Variants in PLA2G4A observed in about 807,000 individuals in gnomAD.
PLA2G4A encodes the protein cytosolic phospholipase A2.
In PLA2G4A, 40 loss-of-function variants were observed where a neutral mutation model predicts 81.9. The ratio of observed to expected loss-of-function variants is 0.49; its 90% CI spans 0.38 to 0.64. The LOEUF (loss-of-function observed/expected upper bound fraction) is 0.64. PLA2G4A is among the 30% of genes least tolerant of loss of function. The probability of loss-of-function intolerance (pLI) is 0.00; values close to 1 mark genes in which losing one functional copy is unlikely to be tolerated. For synonymous variants in PLA2G4A, 302 were observed against 296.9 expected, an observed-to-expected ratio of 1.02 and a Z score of -0.18; for missense variants, 715 against 905.1, an observed-to-expected ratio of 0.79 and a Z score of 2.69.
chr1:186,844,820 T>A (rs1327508984), intron 1 of PLA2G4A, among the ~76,000 whole-genome samples: 2 of 152,220 alleles, frequency 1.3e-5, no homozygotes, highest in African/African-American at 4.8e-5. Flanking sequence ...GAAAATGTAC[T>A]TGGTGTTTAT....
intron 13 of PLA2G4A, among the ~76,000 whole-genome samples, chr1:186,954,406 C>T (rs1485538912): frequency 1.3e-5 from 2 of 151,784 alleles, no homozygotes; most frequent in Admixed American, 6.6e-5. Context: ...ACTTGGACAC[C>T]GGGTGGGGAA....
At chr1:186,833,900 C>T (rs868190821) in intron 1 of PLA2G4A, among the ~76,000 whole-genome samples, 1 of 152,256 alleles carries the variant, frequency 6.6e-6, no homozygotes, top group Non-Finnish European at 1.5e-5. Context: ...AGAGTTTAGC[C>T]ATCACTCTCC....
chr1:186,882,698 G>T (rs1425188513), intron 3 of PLA2G4A, among the ~76,000 whole-genome samples: 1 of 152,028 alleles, frequency 6.6e-6, no homozygotes, highest in East Asian at 1.9e-4. Context: ...GTTTCAGAAG[G>T]ATAGTTGTGG....
chr1:186,892,543 G>A (rs1654183235), intron 3 of PLA2G4A, among the ~76,000 whole-genome samples: 1 of 152,154 alleles, frequency 6.6e-6, no homozygotes, highest in Non-Finnish European at 1.5e-5. Context: ...ACCATTTATT[G>A]AAGAGACTGT....
intron 3 of PLA2G4A, among the ~76,000 whole-genome samples, chr1:186,886,473 A>G (rs998005711): frequency 1.3e-5 from 2 of 152,154 alleles, no homozygotes; most frequent in African/African-American, 4.8e-5. Flanking sequence ...CTGCTCTAAG[A>G]TCTCTGTGTG....
chr1:186,899,158 G>T (rs1045188440), intron 5 of PLA2G4A, among the ~76,000 whole-genome samples: 1 of 152,140 alleles, frequency 6.6e-6, no homozygotes, highest in African/African-American at 2.4e-5. Context: ...TGTGTAAAGG[G>T]GTCACAAAGG....
chr1:186,922,222 C>T (rs1436266462), intron 7 of PLA2G4A, among the ~76,000 whole-genome samples: 2 of 152,096 alleles, frequency 1.3e-5, no homozygotes, highest in African/African-American at 4.8e-5. Context: ...CAGTTTACAC[C>T]AAACCAGAAT....
chr1:186,842,473 G>C (rs1336921469), intron 1 of PLA2G4A, among the ~76,000 whole-genome samples: 1 of 152,102 alleles, frequency 6.6e-6, no homozygotes, highest in Non-Finnish European at 1.5e-5. Context: ...ATTAAAACCT[G>C]TTACGGGCTG....
intron 3 of PLA2G4A, among the ~76,000 whole-genome samples, chr1:186,889,032 T>A (rs1248433094): frequency 1.3e-5 from 2 of 152,226 alleles, no homozygotes; most frequent in African/African-American, 4.8e-5. Flanking sequence ...TTTGCAATCC[T>A]GAGCACTGGT....
At chr1:186,873,132 A>G (rs1176981649) in intron 3 of PLA2G4A, among the ~76,000 whole-genome samples, 1 of 152,086 alleles carries the variant, frequency 6.6e-6, no homozygotes, top group East Asian at 1.9e-4. Context: ...AAATATAGTG[A>G]TAAAGTTACT....
intron 17 of PLA2G4A, 48 bp from the exon 18 acceptor site, chr1:186,988,329 A>G (rs774333289): frequency 1.4e-6 from 2 of 1,459,196 alleles, no homozygotes; most frequent in Non-Finnish European, 1.9e-6. Flanking sequence ...AAATATATAA[A>G]TGAGTTCATA....
At chr1:186,908,869 T>C (rs1335893657) in intron 6 of PLA2G4A, among the ~76,000 whole-genome samples, 1 of 151,692 alleles carries the variant, frequency 6.6e-6, no homozygotes, top group Non-Finnish European at 1.5e-5. Flanking sequence ...GAAGATTAAA[T>C]TTAAGTAGTG....
intron 8 of PLA2G4A, among the ~76,000 whole-genome samples, chr1:186,937,253 AAGAGAGAGAGAGAG>A (rs58594192): frequency 2.1e-3 from 321 of 149,348 alleles, no homozygotes; most frequent in African/African-American, 7.6e-3. Flanking sequence ...GAGACGGGAA[AAGAGAGAGAGAGAG>A]AGAGAGAGAG....
intron 2 of PLA2G4A, among the ~76,000 whole-genome samples, chr1:186,869,262 T>G (rs902257185): frequency 6.6e-6 from 1 of 152,160 alleles, no homozygotes; most frequent in Non-Finnish European, 1.5e-5. Flanking sequence ...TTCTTATGAT[T>G]GATCATTTAT....
intron 14 of PLA2G4A, among the ~76,000 whole-genome samples, chr1:186,959,334 A>G (rs879760935): frequency 4.8e-5 from 4 of 83,312 alleles, no homozygotes; most frequent in Non-Finnish European, 9.3e-5. Context: ...TTTTCATAAA[A>G]TAACATAAGG....
chr1:186,913,031 T>C (rs774665151), intron 7 of PLA2G4A, among the ~76,000 whole-genome samples: 1 of 150,690 alleles, frequency 6.6e-6, no homozygotes, highest in Non-Finnish European at 1.5e-5. Context: ...TTAATGATAA[T>C]GGAATTAATA....
At chr1:186,938,661 C>G (rs574492256) in intron 8 of PLA2G4A, among the ~76,000 whole-genome samples, 1 of 152,156 alleles carries the variant, frequency 6.6e-6, no homozygotes, top group Admixed American at 6.5e-5. Context: ...AATTCATTTA[C>G]ATGACTCAGA....
In PLA2G4A at chr1:186,928,655, T is replaced by C. The variant is rs201466003; in HGVS notation, c.559-4108T>C. Among the ~76,000 whole-genome samples, 9 of 152,312 alleles carry C rather than the reference T, an allele frequency of 5.9e-5. No homozygotes were observed. The East Asian group carries it at 1.5e-3, about 26-fold the overall frequency. ...TGTTTCTTTGAAAAACCCTGACTAA[T>C]ATGGGGGGCCAAGGAGAGAAATGTT... On this transcript the variant is annotated intron_variant, in intron 7 of 17. Transcript: ENST00000367466.
At chr1:186,884,691 A>G (rs1435492756) in intron 3 of PLA2G4A, among the ~76,000 whole-genome samples, 5 of 152,034 alleles carry the variant, frequency 3.3e-5, no homozygotes, top group African/African-American at 1.2e-4. Context: ...AGGCCTGGAC[A>G]ACATGGTAAA....
Sources: allele counts gnomAD v4.1 joint callset (sites outside exome capture counted in the v4.1 genomes callset), GRCh38; gene constraint gnomAD v4.1.1; transcripts MANE v1.5; gene names NCBI Gene and HGNC (gene_info 2026-07-23, HGNC 2026-07-21).